Variants in CNGB3 observed in about 807,000 individuals in gnomAD.
The protein encoded by CNGB3 is cyclic nucleotide-gated channel beta-3.
Under a neutral mutation model 92.8 loss-of-function variants are expected in CNGB3, and 86 were observed. The ratio of observed to expected loss-of-function variants is 0.93; its 90% CI spans 0.78 to 1.11. CNGB3 has a LOEUF of 1.11. Among genes scored for constraint, CNGB3 ranks in the 50% least tolerant of loss-of-function variants. CNGB3 has a pLI of 0.00. For missense variants in CNGB3, 1,026 were observed against 956.8 expected (o/e 1.07, Z -0.95); for synonymous variants, 333 against 332.7 (o/e 1.00, Z -0.01).
At chr8:86,674,795 C>T (rs1415792749) in intron 3 of CNGB3, among the ~76,000 whole-genome samples, 1 of 152,106 alleles carries the variant, frequency 6.6e-6, no homozygotes, top group African/African-American at 2.4e-5. Context: ...CTCTGCTGCC[C>T]AGGCTGGAGT....
At chr8:86,688,918 G>C (rs1463727662) in intron 3 of CNGB3, among the ~76,000 whole-genome samples, 2 of 151,622 alleles carry the variant, frequency 1.3e-5, no homozygotes, top group African/African-American at 4.8e-5. Context: ...TTTTTAGGTA[G>C]GTGCTTATTG....
intron 3 of CNGB3, among the ~76,000 whole-genome samples, chr8:86,677,961 C>A (rs1396201014): frequency 6.6e-6 from 1 of 151,994 alleles, no homozygotes; most frequent in Non-Finnish European, 1.5e-5. Context: ...CCTTTTAATT[C>A]TTAATTAAGA....
intron 2 of CNGB3, among the ~76,000 whole-genome samples, chr8:86,731,635 T>G (rs1315464901): frequency 6.6e-6 from 1 of 152,156 alleles, no homozygotes; most frequent in Non-Finnish European, 1.5e-5. Flanking sequence ...GAGTTACCAG[T>G]GCTGGGTACT....
intron 14 of CNGB3, among the ~76,000 whole-genome samples, chr8:86,610,327 G>T (rs896286759): frequency 4.6e-5 from 7 of 152,052 alleles, no homozygotes; most frequent in Non-Finnish European, 7.4e-5. Context: ...GAGTTTTGTG[G>T]AATAAATCAT....
chr8:86,627,948 A>G (rs1822880871), intron 12 of CNGB3, among the ~76,000 whole-genome samples: 1 of 152,232 alleles, frequency 6.6e-6, no homozygotes, highest in Admixed American at 6.5e-5. Flanking sequence ...GAAGATGAGG[A>G]GGATGAAGAC....
intron 3 of CNGB3, among the ~76,000 whole-genome samples, chr8:86,718,805 CA>C (rs58238522): frequency 0.29 from 44,385 of 151,820 alleles, 6,854 homozygotes; most frequent in East Asian, 0.4. Flanking sequence ...AACACCATAT[CA>C]AAAAGATAAT....
At chr8:86,617,045 G>A (rs1822634250) in intron 13 of CNGB3, among the ~76,000 whole-genome samples, 1 of 152,204 alleles carries the variant, frequency 6.6e-6, no homozygotes, top group Non-Finnish European at 1.5e-5. Flanking sequence ...TGGACAATGA[G>A]AAATTCAGTG....
At chr8:86,737,308 G>GA (rs960972193) in intron 2 of CNGB3, among the ~76,000 whole-genome samples, 3 of 151,998 alleles carry the variant, frequency 2.0e-5, no homozygotes, top group African/African-American at 4.8e-5. Context: ...ATTAATTCAG[G>GA]AAAAAAATCA....
intron 3 of CNGB3, among the ~76,000 whole-genome samples, chr8:86,703,715 A>G (rs1284067488): frequency 6.6e-6 from 1 of 152,168 alleles, no homozygotes; most frequent in Non-Finnish European, 1.5e-5. Flanking sequence ...AGACTATTGC[A>G]TGTTGCCAGG....
In CNGB3 at chr8:86,666,929, A is replaced by T. The variant is rs902106744; in HGVS notation, c.848T>A (p.Ile283Lys). Residue 283 changes from isoleucine to lysine, a missense_variant, in exon 6 of 18, where the codon ATA becomes AAA. Transcript: ENST00000320005. ...CCTTTCCCGAACCCCACTTACTATT[A>T]TGTCTCCTCCTCTTACAAACTGGAG... ...PRLQFVRGGD[I>K]IVDSNELRKH... The T allele has an allele frequency of 1.4e-5, 22 of 1,611,438 alleles. No individual in the cohort carries two copies. The Admixed American group carries it at 2.0e-4, about 15-fold the overall frequency.
At chr8:86,697,597 A>C (rs7817220) in intron 3 of CNGB3, among the ~76,000 whole-genome samples, 2 of 151,900 alleles carry the variant, frequency 1.3e-5, no homozygotes, top group African/African-American at 4.8e-5. Flanking sequence ...CTTTAAAAAA[A>C]TTTTAGCAAA....
chr8:86,581,161 C>T (rs887119070), intron 15 of CNGB3, among the ~76,000 whole-genome samples: 2 of 152,176 alleles, frequency 1.3e-5, no homozygotes, highest in African/African-American at 2.4e-5. Flanking sequence ...TTTCTTAGAT[C>T]CTTCAGAGAA....
intron 3 of CNGB3, among the ~76,000 whole-genome samples, chr8:86,684,055 C>G (rs1256046872): frequency 6.6e-6 from 1 of 152,170 alleles, no homozygotes; most frequent in Non-Finnish European, 1.5e-5. Context: ...AAAAGGCAAG[C>G]TACAAGCTGC....
At chr8:86,741,819 GAAAGA>G (rs1270126261) in intron 1 of CNGB3, among the ~76,000 whole-genome samples, 2 of 152,178 alleles carry the variant, frequency 1.3e-5, no homozygotes, top group Admixed American at 1.3e-4. Flanking sequence ...GTTTTGAAAG[GAAAGA>G]TAACTCTTTA....
At chr8:86,711,700 C>A (rs1412085872) in intron 3 of CNGB3, among the ~76,000 whole-genome samples, 10 of 152,064 alleles carry the variant, frequency 6.6e-5, no homozygotes, top group Admixed American at 5.9e-4. Context: ...CTGTAAAGCA[C>A]TCTTGCTGTT....
chr8:86,687,961 A>G (rs1824221754), intron 3 of CNGB3, among the ~76,000 whole-genome samples: 1 of 152,082 alleles, frequency 6.6e-6, no homozygotes, highest in African/African-American at 2.4e-5. Context: ...AATGAAAAAC[A>G]CAATTACAGA....
At chr8:86,709,502 G>T (rs1317907156) in intron 3 of CNGB3, among the ~76,000 whole-genome samples, 1 of 152,186 alleles carries the variant, frequency 6.6e-6, no homozygotes, top group South Asian at 2.1e-4. Flanking sequence ...GCAATGAAAT[G>T]AATCATTAGG....
chr8:86,594,066 T>TAAGC, intron 15 of CNGB3: 1 of 339,140 alleles, frequency 2.9e-6, no homozygotes, highest in Non-Finnish European at 5.8e-6. Context: ...ACATGCCCAG[T>TAAGC]TTTGTGCTGT....
At chr8:86,630,858 G>A (rs1357783804) in intron 11 of CNGB3, among the ~76,000 whole-genome samples, 1 of 152,134 alleles carries the variant, frequency 6.6e-6, no homozygotes, top group African/African-American at 2.4e-5. Context: ...TGGGCACAGA[G>A]CCAGACCCTG....
Sources: gnomAD v4.1 joint callset for allele counts (sites outside exome capture counted in the v4.1 genomes callset) on GRCh38, gnomAD v4.1.1 for gene constraint, MANE v1.5 for transcripts, NCBI Gene and HGNC (gene_info 2026-07-23, HGNC 2026-07-21) for gene names.